AVEN: variants seen among roughly 807,000 people sequenced by gnomAD.
AVEN encodes cell death regulator Aven.
In AVEN, 41 loss-of-function variants were observed where a neutral mutation model predicts 38.1. The ratio of observed to expected loss-of-function variants is 1.08; its 90% CI spans 0.84 to 1.40. The LOEUF is 1.40. Among genes scored for constraint, AVEN ranks in the 40% most tolerant of loss-of-function variants. AVEN has a pLI of 0.00. For missense variants in AVEN, 605 were observed against 438.8 expected (o/e 1.38, Z -3.38); for synonymous variants, 206 against 171.8 (o/e 1.20, Z -1.56).
At chr15:33,911,576 T>C (rs1207773383) in intron 2 of AVEN, among the ~76,000 whole-genome samples, 1 of 152,198 alleles carries the variant, frequency 6.6e-6, no homozygotes, top group Non-Finnish European at 1.5e-5. Context: ...ACAAATTACA[T>C]TTGATATGCT....
chr15:33,871,828 G>C (rs996839484), intron 3 of AVEN, among the ~76,000 whole-genome samples: 5 of 149,338 alleles, frequency 3.3e-5, no homozygotes, highest in African/African-American at 1.2e-4. Flanking sequence ...TTGGTCACCA[G>C]TTTGCCCCAT....
At chr15:34,072,382 G>C (rs28669739) in intron 1 of AVEN, among the ~76,000 whole-genome samples, 6,422 of 152,090 alleles carry the variant, frequency 0.042, 277 homozygotes, top group Admixed American at 0.14. Context: ...GGAGGCCGAG[G>C]TGGGCAGATC....
At chr15:33,923,015 A>T (rs766586804) in intron 2 of AVEN, among the ~76,000 whole-genome samples, 2 of 152,214 alleles carry the variant, frequency 1.3e-5, no homozygotes, top group Non-Finnish European at 1.5e-5. Context: ...ATGAATATCA[A>T]CTTAAAATAA....
At chr15:33,998,331 A>C (rs770739422) in intron 2 of AVEN, among the ~76,000 whole-genome samples, 25 of 152,168 alleles carry the variant, frequency 1.6e-4, no homozygotes, top group Admixed American at 3.3e-4. Context: ...ACCTTTAAAA[A>C]AATGTCTTAA....
At chr15:33,859,283 C>A (rs886498761) in intron 11 of AVEN, among the ~76,000 whole-genome samples, 1 of 152,212 alleles carries the variant, frequency 6.6e-6, no homozygotes, top group Admixed American at 6.5e-5. Flanking sequence ...ATGGCATAGG[C>A]CATACTCATC....
At chr15:34,016,193 C>T (rs1203930667) in intron 1 of AVEN, among the ~76,000 whole-genome samples, 1 of 152,186 alleles carries the variant, frequency 6.6e-6, no homozygotes, top group Non-Finnish European at 1.5e-5. Flanking sequence ...AAGATCGTGC[C>T]ATTGCACTCC....
At chr15:33,896,487 TATA>T (rs1892238032) in intron 2 of AVEN, among the ~76,000 whole-genome samples, 1 of 152,222 alleles carries the variant, frequency 6.6e-6, no homozygotes, top group African/African-American at 2.4e-5. Flanking sequence ...CTCTCCTGGT[TATA>T]ATACTTGTCC....
intron 2 of AVEN, among the ~76,000 whole-genome samples, chr15:33,961,672 G>A (rs975707094): frequency 1.3e-5 from 2 of 151,618 alleles, no homozygotes; most frequent in South Asian, 2.1e-4. Context: ...AATTAGCCGG[G>A]CGTGGTGGCG....
chr15:33,858,030 C>G (rs757636552), downstream of AVEN: 180 of 1,265,050 alleles, frequency 1.4e-4, no homozygotes, highest in Non-Finnish European at 1.7e-4. Flanking sequence ...GAGTTAGTTA[C>G]AGAGCACAGC....
intron 2 of AVEN, among the ~76,000 whole-genome samples, chr15:33,917,488 C>CGT (rs1893190432): frequency 1.7e-5 from 1 of 59,424 alleles, no homozygotes; most frequent in Non-Finnish European, 5.9e-5. Context: ...TGGGATACTA[C>CGT]ATATATATAC....
intron 11 of AVEN, chr15:33,859,511 T>C: frequency 6.4e-7 from 1 of 1,574,248 alleles, no homozygotes. Flanking sequence ...ATGAATGATC[T>C]GAGCATCTTG....
intron 2 of AVEN, among the ~76,000 whole-genome samples, chr15:33,921,832 T>A (rs1893405510): frequency 6.6e-6 from 1 of 152,196 alleles, no homozygotes; most frequent in South Asian, 2.1e-4. Context: ...CTGACCTGGC[T>A]ATATTATTAT....
chr15:33,870,947 G>A lies in AVEN; in HGVS notation c.600C>T (p.Ala200=), dbSNP rs141396030. Residue 200 remains alanine (A), a synonymous_variant, in exon 4 of 6, where the codon GCC becomes GCT. Transcript: ENST00000306730. ...TCGGGATTTTTACCTGGACCAGTTC[G>A]GCAGCAACGTTGAGTCGGAGGCAGA... is the stretch of plus-strand genomic sequence containing the variant. ...LPLCLRLNVA[A]ELVQGTVPLE... is the part of the protein sequence containing the mutation. 3.6e-4 allele frequency: 577 copies of A among 1,610,966 alleles called. 4 individuals are homozygous for A. In the African/African-American group the frequency reaches 6.4e-3, roughly 18 times the overall value.
At chr15:33,962,710 A>G (rs1453079096) in intron 2 of AVEN, among the ~76,000 whole-genome samples, 1 of 152,088 alleles carries the variant, frequency 6.6e-6, no homozygotes, top group African/African-American at 2.4e-5. Context: ...TATCTTCTGC[A>G]TAGCATACAA....
Position 33,867,639 on chromosome 15 carries a change from A to ACTGCAGTGGGGAAGTGGGTTT in AVEN, c.808_828dup (p.Lys270_Gln276dup), listed in dbSNP as rs1348257039. 6.2e-7 allele frequency: 1 copy of ACTGCAGTGGGGAAGTGGGTTT among 1,614,080 alleles called. No individual in the cohort carries two copies. Among genetic ancestry groups the ACTGCAGTGGGGAAGTGGGTTT allele is most frequent in the Non-Finnish European group, 8.5e-7 (1 of 1,180,036 alleles). On this transcript the variant is annotated inframe_insertion, in exon 5 of 6. Coordinates refer to ENST00000306730, the MANE Select transcript of AVEN (RefSeq NM_020371.3). ...TCTTCTTCCAAATGGTCTCCTGCTG[A>ACTGCAGTGGGGAAGTGGGTTT]CTGCAGTGGGGAAGTGGGTTTCTGA...
At chr15:33,867,075 C>G (rs1217312747) in intron 5 of AVEN, among the ~76,000 whole-genome samples, 6 of 152,172 alleles carry the variant, frequency 3.9e-5, no homozygotes, top group Non-Finnish European at 1.5e-5. Flanking sequence ...GGGCCACTAT[C>G]TCACAGGACA....
chr15:34,063,132 C>T lies in AVEN; in HGVS notation n.1427G>A, dbSNP rs1288575176. ...TTCCATCACAAGACCCTTGACATATCGGGCCAAGCGTACTCCGAAAAGGGC... is the reference window on the plus strand; with the variant it reads ...TTCCATCACAAGACCCTTGACATATTGGGCCAAGCGTACTCCGAAAAGGGC... On this transcript the variant is annotated non_coding_transcript_exon_variant, in exon 5 of 12. Coordinates refer to the AVEN transcript ENST00000675287. The surrounding 1 kb of genome is among the most constrained non-coding windows in gnomAD (Gnocchi z 4.1). 14 of 1,614,166 alleles carry T rather than the reference C, an allele frequency of 8.7e-6. No homozygotes were observed. The highest frequency in any genetic ancestry group is 1.1e-5 in the Non-Finnish European group (13 of 1,180,022).
chr15:33,957,470 G>A (rs1305360682), intron 2 of AVEN, among the ~76,000 whole-genome samples: 1 of 152,000 alleles, frequency 6.6e-6, no homozygotes, highest in Non-Finnish European at 1.5e-5. Context: ...TTTACCCTAG[G>A]ACCCAACAAT....
chr15:33,961,705 C>G (rs1038478007), intron 2 of AVEN, among the ~76,000 whole-genome samples: 1 of 147,394 alleles, frequency 6.8e-6, no homozygotes, highest in South Asian at 2.2e-4. Flanking sequence ...CCCAGCTACT[C>G]GGGAGGCTGA....
Sources: allele counts gnomAD v4.1 joint callset (sites outside exome capture counted in the v4.1 genomes callset), GRCh38; gene constraint gnomAD v4.1.1; non-coding constraint Gnocchi (gnomAD v3.1); transcripts MANE v1.5; gene names NCBI Gene and HGNC (gene_info 2026-07-23, HGNC 2026-07-21).